Variants in ITIH5 observed in about 807,000 individuals in gnomAD.
The protein encoded by ITIH5 is inter-alpha-trypsin inhibitor heavy chain H5.
ITIH5 carries 65 observed loss-of-function variants against 77.5 expected under a neutral mutation model. The ratio of observed to expected loss-of-function variants is 0.84; its 90% CI spans 0.69 to 1.03. The LOEUF is 1.03. Among genes scored for constraint, ITIH5 ranks in the 50% least tolerant of loss-of-function variants. The probability of loss-of-function intolerance (pLI) is 0.00; values close to 1 mark genes in which losing one functional copy is unlikely to be tolerated. For missense variants in ITIH5, 1,208 were observed against 1,213.1 expected (o/e 1.00, Z 0.06); for synonymous variants, 525 against 494.3 (o/e 1.06, Z -0.82).
At chr10:7,664,798 G>A (rs1407137464) in intron 1 of ITIH5, among the ~76,000 whole-genome samples, 2 of 152,188 alleles carry the variant, frequency 1.3e-5, no homozygotes. Context: ...CAATTTTAAA[G>A]ACCATAATGA....
intron 10 of ITIH5, 54 bp from the exon 11 acceptor site, chr10:7,573,249 G>A: frequency 6.7e-7 from 1 of 1,490,430 alleles, no homozygotes; most frequent in Non-Finnish European, 9.4e-7. Context: ...AAGATGAAGA[G>A]AGAGGTGCAA....
rs557608961 is a variant in ITIH5 at position 7,563,921 on chromosome 10, C to G, written c.2528-537G>C. Among the ~76,000 whole-genome samples the G allele has an allele frequency of 1.3e-3, 202 of 152,388 alleles. 2 individuals carry two copies. The highest frequency in any genetic ancestry group is 4.7e-3 in the African/African-American group (194 of 41,600). On this transcript the variant is annotated intron_variant, in intron 13 of 13. Transcript: ENST00000397146. Reference sequence around the variant, plus strand: ...GCTCATGCTGGGCCGCCAGGCCCCACGAAACGCGGCCAGCTCAAGAGCCAG... The same window carrying G: ...GCTCATGCTGGGCCGCCAGGCCCCAGGAAACGCGGCCAGCTCAAGAGCCAG...
chr10:7,588,305 G>T (rs1832723475), intron 7 of ITIH5, among the ~76,000 whole-genome samples: 1 of 152,178 alleles, frequency 6.6e-6, no homozygotes, highest in Admixed American at 6.5e-5. Context: ...GATCACTTGA[G>T]GTGAGGAGTT....
chr10:7,595,042 T>C (rs1023418389), intron 7 of ITIH5, among the ~76,000 whole-genome samples: 1 of 151,890 alleles, frequency 6.6e-6, no homozygotes, highest in African/African-American at 2.4e-5. Flanking sequence ...CAGACATGGG[T>C]CCACATGTCA....
intron 7 of ITIH5, among the ~76,000 whole-genome samples, chr10:7,588,643 T>C (rs1035703410): frequency 1.3e-5 from 2 of 152,254 alleles, no homozygotes; most frequent in African/African-American, 2.4e-5. Flanking sequence ...GTAATGTTCC[T>C]CCACTTTCCC....
rs1564269087 is a variant in ITIH5 at position 7,628,855 on chromosome 10, C to CTGTTGTAGCATGTGTCCA, written c.652+8372_652+8373insTGGACACATGCTACAACA. Among the ~76,000 whole-genome samples, 165 of 73,430 alleles carry CTGTTGTAGCATGTGTCCA rather than the reference C, an allele frequency of 2.2e-3. 7 individuals are homozygous for CTGTTGTAGCATGTGTCCA. The highest frequency in any genetic ancestry group is 6.7e-3 in the African/African-American group (158 of 23,534). The allele number at this position is 73,430 out of a possible 152,430, so 48.2% of individuals were successfully genotyped here. A position where few individuals can be genotyped will look rare whatever the true frequency, so the allele number is the denominator to read the frequency against. ...TGTGTCCCTGTTGTAGCGTGTGTCC[C>CTGTTGTAGCATGTGTCCA]TGTTGTAGCGTGTGTCCGTGTTGTA... On this transcript the variant is annotated intron_variant, in intron 5 of 13. Coordinates refer to ENST00000397146, the MANE Select transcript of ITIH5 (RefSeq NM_030569.7).
At chr10:7,647,590 C>T (rs76040117) in intron 2 of ITIH5, among the ~76,000 whole-genome samples, 1 of 151,974 alleles carries the variant, frequency 6.6e-6, no homozygotes, top group Non-Finnish European at 1.5e-5. Flanking sequence ...ACGTGAACAC[C>T]TGTCTAGTCT....
intron 1 of ITIH5, among the ~76,000 whole-genome samples, chr10:7,660,533 G>A (rs1834259694): frequency 1.3e-5 from 2 of 152,288 alleles, no homozygotes; most frequent in Non-Finnish European, 2.9e-5. Context: ...TGTGGAGTGT[G>A]GAATCTCCAA....
rs1168726781 is a variant in ITIH5, at chr10:7,666,959, G to T, written c.-67C>A. ...ACGCTTTGCAGCGCCCAGGGCTCCA[G>T]CCACTGCGGGACGCTCTCGGGGCCG... is the stretch of plus-strand genomic sequence containing the variant. On this transcript the variant is annotated 5_prime_UTR_variant, in exon 1 of 14. It adds an upstream start codon to the 5' untranslated region. Transcript: ENST00000397146. 3.8e-6 allele frequency: 5 copies of T among 1,309,060 alleles called. No individual in the cohort carries two copies. The highest frequency in any genetic ancestry group is 5.2e-6 in the Non-Finnish European group (5 of 955,182). 81.1% of individuals were successfully genotyped at this position (1,309,060 alleles called of 1,614,324 possible).
intron 2 of ITIH5, among the ~76,000 whole-genome samples, chr10:7,652,978 AATG>A (rs1834124762): frequency 6.6e-6 from 1 of 152,146 alleles, no homozygotes; most frequent in Admixed American, 6.5e-5. Context: ...TGTTATGGAG[AATG>A]GTTTGAGCAA....
chr10:7,572,431 C>T (rs1588361745), intron 11 of ITIH5: 1 of 1,355,234 alleles, frequency 7.4e-7, no homozygotes, highest in East Asian at 4.6e-5. Context: ...CAAAGCCTGC[C>T]TGTCACACCA....
intron 2 of ITIH5, among the ~76,000 whole-genome samples, chr10:7,655,064 G>T (rs1037684045): frequency 6.6e-6 from 1 of 152,210 alleles, no homozygotes; most frequent in South Asian, 2.1e-4. Context: ...CCAGCCAGGT[G>T]CAGGGAGGGC....
At chr10:7,573,084 T>G in intron 11 of ITIH5, 58 bp downstream of exon 11, 1 of 1,542,056 alleles carries the variant, frequency 6.5e-7, no homozygotes, top group Non-Finnish European at 9.0e-7. Flanking sequence ...GGCCTGGTTT[T>G]ACACTTTTTA....
At chr10:7,619,666 A>C (rs561781090) in intron 5 of ITIH5, 167 of 284,480 alleles carry the variant, frequency 5.9e-4, no homozygotes, top group Non-Finnish European at 1.1e-3. Flanking sequence ...AGGCGGCAGG[A>C]GCGAGAGACA....
chr10:7,604,135 C>T (rs889445667), intron 7 of ITIH5, among the ~76,000 whole-genome samples: 4 of 152,206 alleles, frequency 2.6e-5, no homozygotes, highest in African/African-American at 9.7e-5. Context: ...TACATTCAAT[C>T]ACCTGCTCAC....
chr10:7,585,849 A>AAAAAG (rs1554750680), intron 8 of ITIH5, 52 bp downstream of exon 8: 4 of 1,470,790 alleles, frequency 2.7e-6, no homozygotes, highest in Non-Finnish European at 3.7e-6. Flanking sequence ...AACCAAAAAA[A>AAAAAG]AAAACATTAT....
At chr10:7,638,324 C>G (rs1833833344) in intron 4 of ITIH5, among the ~76,000 whole-genome samples, 1 of 152,188 alleles carries the variant, frequency 6.6e-6, no homozygotes, top group African/African-American at 2.4e-5. Flanking sequence ...TCCTCCTTCC[C>G]AGAACTGGAA....
Position 7,579,878 on chromosome 10 carries a change from C to A in ITIH5, c.1295G>T (p.Cys432Phe), listed in dbSNP as rs771386723. 1 of 1,614,254 alleles carries A rather than the reference C, an allele frequency of 6.2e-7. No homozygotes were observed. The highest frequency in any genetic ancestry group is 1.1e-5 in the South Asian group (1 of 91,086). ...GTTGCCGATGCCAATGGTGAAGATGCAGACTTGGCCTCGGGCGGCCTCTCG... is the reference window on the plus strand; with the variant it reads ...GTTGCCGATGCCAATGGTGAAGATGAAGACTTGGCCTCGGGCGGCCTCTCG... ...NTREAARGQVCIFTIGIGNDV... is the reference protein window; with the variant it reads ...NTREAARGQVFIFTIGIGNDV... The change falls in exon 9 of 14, where the codon TGC becomes TTC. Residue 432 changes from cysteine to phenylalanine, a missense_variant. By Grantham distance (205) the Cys-to-Phe change is radical. Coordinates refer to ENST00000397146, the MANE Select transcript of ITIH5 (RefSeq NM_030569.7).
chr10:7,586,392 G>A (rs1005461321), intron 7 of ITIH5, among the ~76,000 whole-genome samples: 1 of 152,108 alleles, frequency 6.6e-6, no homozygotes, highest in East Asian at 1.9e-4. Context: ...TCTTTCACTT[G>A]ACAAGCCCCT....
Sources: gnomAD v4.1 joint callset for allele counts (sites outside exome capture counted in the v4.1 genomes callset) on GRCh38, gnomAD v4.1.1 for gene constraint, MANE v1.5 for transcripts, NCBI Gene and HGNC (gene_info 2026-07-23, HGNC 2026-07-21) for gene names.